The following GLIS3 variants were observed in gnomAD, a reference collection of about 807,000 sequenced individuals.
GLIS3 encodes the protein zinc finger protein GLIS3.
A neutral mutation model predicts 78.6 loss-of-function variants in GLIS3; 53 were observed. The observed-to-expected ratio is 0.67, with a 90% CI of 0.54 to 0.85. The LOEUF is 0.85. GLIS3 is among the 40% of genes least tolerant of loss of function. The pLI, the probability that GLIS3 is intolerant of heterozygous loss-of-function variation, is 0.00. For synonymous variants in GLIS3, 684 were observed against 509.9 expected (o/e 1.34, Z -4.60); for missense variants, 1,703 against 1,231.1 (o/e 1.38, Z -5.74).
intron 2 of GLIS3, among the ~76,000 whole-genome samples, chr9:4,133,201 A>C (rs1833104241): frequency 6.6e-6 from 1 of 152,232 alleles, no homozygotes. Context: ...TAAGTTGCAG[A>C]TTCCATGTCC....
the GLIS3 span, among the ~76,000 whole-genome samples, chr9:4,458,261 G>C: frequency 6.6e-6 from 1 of 152,106 alleles, no homozygotes; most frequent in African/African-American, 2.4e-5. Flanking sequence ...CTATCGTTTT[G>C]GGGCCCAACT....
At chr9:4,424,755 A>G in the GLIS3 span, among the ~76,000 whole-genome samples, 6 of 151,950 alleles carry the variant, frequency 3.9e-5, 1 homozygote, top group Admixed American at 2.0e-4. Context: ...TTCATTGTAG[A>G]GACGGGATTT....
chr9:4,475,569 G>A, the GLIS3 span, among the ~76,000 whole-genome samples: 34 of 152,118 alleles, frequency 2.2e-4, no homozygotes, highest in South Asian at 6.2e-4. Flanking sequence ...GCAGTGCAAA[G>A]GAATCAGGAA....
chr9:3,829,206 C>A, intron 10 of GLIS3, 104 bp downstream of exon 10: 1 of 922,592 alleles, frequency 1.1e-6, no homozygotes, highest in Non-Finnish European at 1.8e-6. Flanking sequence ...GGATTTGATG[C>A]GGTCATGTGC....
chr9:3,875,488 A>G (rs2130427018), intron 8 of GLIS3: 1 of 152,306 alleles, frequency 6.6e-6, no homozygotes, highest in Admixed American at 6.5e-5. Context: ...CGCAAGCAGG[A>G]AAAGATGCCA....
At chr9:4,292,832 G>A (rs754440902) in intron 1 of GLIS3, among the ~76,000 whole-genome samples, 15 of 152,154 alleles carry the variant, frequency 9.9e-5, no homozygotes, top group Non-Finnish European at 1.9e-4. Context: ...ATGTCTTTGA[G>A]AACTGAGTCT....
chr9:4,033,632 T>C (rs1824046091), intron 4 of GLIS3, among the ~76,000 whole-genome samples: 1 of 152,078 alleles, frequency 6.6e-6, no homozygotes, highest in Admixed American at 6.5e-5. Context: ...AATCCTAGGC[T>C]CCACCCTGGA....
At chr9:4,033,907 C>T (rs541645706) in intron 4 of GLIS3, among the ~76,000 whole-genome samples, 2 of 139,652 alleles carry the variant, frequency 1.4e-5, no homozygotes, top group East Asian at 4.5e-4. Context: ...TGAGATAGGT[C>T]CTATCTGCAT....
intron 2 of GLIS3, among the ~76,000 whole-genome samples, chr9:4,320,187 C>A (rs146617299): frequency 6.6e-6 from 1 of 152,210 alleles, no homozygotes; most frequent in Admixed American, 6.5e-5. Context: ...TATAGGTCAA[C>A]AAATTCCCTT....
the GLIS3 span, among the ~76,000 whole-genome samples, chr9:4,412,692 T>C: frequency 2.0e-5 from 3 of 152,196 alleles, no homozygotes; most frequent in African/African-American, 7.2e-5. Flanking sequence ...CCCTTACCCC[T>C]TTCTTCCTGG....
intron 6 of GLIS3, among the ~76,000 whole-genome samples, chr9:3,920,085 G>A (rs973273471): frequency 3.7e-4 from 54 of 145,676 alleles, no homozygotes; most frequent in Middle Eastern, 3.5e-3. Flanking sequence ...CTCACTGCAA[G>A]CTCCGCCTCC....
intron 4 of GLIS3, among the ~76,000 whole-genome samples, chr9:4,076,229 T>C (rs1828042947): frequency 6.6e-6 from 1 of 152,216 alleles, no homozygotes; most frequent in Non-Finnish European, 1.5e-5. Flanking sequence ...ATAAGAACTA[T>C]AATCTCCATG....
the GLIS3 span, among the ~76,000 whole-genome samples, chr9:4,357,891 A>T: frequency 6.6e-6 from 1 of 152,222 alleles, no homozygotes; most frequent in Non-Finnish European, 1.5e-5. Context: ...GTTTGCTGTT[A>T]AATTGTTTGA....
At chr9:4,402,581 G>C in the GLIS3 span, among the ~76,000 whole-genome samples, 1 of 152,016 alleles carries the variant, frequency 6.6e-6, no homozygotes, top group African/African-American at 2.4e-5. Flanking sequence ...ACATAACACA[G>C]AGAAGGAATT....
chr9:4,056,067 T>C (rs1826133440), intron 4 of GLIS3, among the ~76,000 whole-genome samples: 1 of 152,218 alleles, frequency 6.6e-6, no homozygotes, highest in Non-Finnish European at 1.5e-5. Flanking sequence ...ACATCAGCTA[T>C]GTCTGTCCCT....
At chr9:3,893,167 G>A (rs118077908) in intron 7 of GLIS3, among the ~76,000 whole-genome samples, 4,719 of 152,202 alleles carry the variant, frequency 0.031, 110 homozygotes, top group Middle Eastern at 0.051. Flanking sequence ...GGATAAAGCC[G>A]CAATTGCCCA....
intron 4 of GLIS3, among the ~76,000 whole-genome samples, chr9:4,007,260 A>G (rs1473911839): frequency 6.6e-6 from 1 of 152,118 alleles, no homozygotes; most frequent in Non-Finnish European, 1.5e-5. Context: ...GAAAAGTAGC[A>G]AAAAGCCCTG....
chr9:4,258,641 G>C (rs1210710057), intron 2 of GLIS3, among the ~76,000 whole-genome samples: 1 of 152,200 alleles, frequency 6.6e-6, no homozygotes, highest in Non-Finnish European at 1.5e-5. Context: ...GGGGAACCAT[G>C]TTCACTTGTA....
intron 2 of GLIS3, chr9:4,147,213 T>C (rs1834293639): frequency 6.6e-6 from 1 of 152,224 alleles, no homozygotes; most frequent in Admixed American, 6.5e-5. Flanking sequence ...AAATTCCTAG[T>C]CCTCTTCCTT....
Sources: gnomAD v4.1 joint callset for allele counts (sites outside exome capture counted in the v4.1 genomes callset) on GRCh38, gnomAD v4.1.1 for gene constraint, MANE v1.5 for transcripts, NCBI Gene and HGNC (gene_info 2026-07-23, HGNC 2026-07-21) for gene names.